CEP290: variants seen among roughly 807,000 people sequenced by gnomAD.
CEP290 encodes centrosomal protein of 290 kDa.
Under a neutral mutation model 344.9 loss-of-function variants are expected in CEP290, and 317 were observed. That is an observed-to-expected ratio of 0.92 (90% CI 0.84 to 1.01). CEP290 has a LOEUF of 1.01. Among genes scored for constraint, CEP290 ranks in the 50% least tolerant of loss-of-function variants. The pLI, the probability that CEP290 is intolerant of heterozygous loss-of-function variation, is 0.00. For synonymous variants in CEP290, 932 were observed against 895.8 expected (o/e 1.04, Z -0.72); for missense variants, 2,754 against 2,761.4 (o/e 1.00, Z 0.06).
chr12:88,054,951 AG>A (rs2033880320), intron 50 of CEP290, among the ~76,000 whole-genome samples: 1 of 152,196 alleles, frequency 6.6e-6, no homozygotes, highest in South Asian at 2.1e-4. Context: ...GATTGTTTAA[AG>A]TACTGAAAGA....
rs2037224130 is a variant in CEP290, at chr12:88,093,813, T to G, written c.3266A>C (p.Gln1089Pro). Residue 1089 changes from glutamine to proline, a missense_variant, in exon 28 of 54, where the codon CAA (glutamine) becomes CCA (proline). Transcript: ENST00000552810. ...MYEHLRTSLK[Q>P]MEERNFELET... ...CAATTCAAAATTACGTTCCTCCATT[T>G]GCTTTAACGAAGTCCGTAAGTGTTC... is the stretch of plus-strand genomic sequence containing the variant. 6.2e-7 allele frequency: 1 copy of G among 1,612,260 alleles called. No individual in the cohort carries two copies. The highest frequency in any genetic ancestry group is 1.1e-5 in the South Asian group (1 of 90,888).
intron 31 of CEP290, 71 bp downstream of exon 31, chr12:88,088,961 A>G (rs1380324819): frequency 2.7e-6 from 3 of 1,124,128 alleles, no homozygotes; most frequent in South Asian, 3.8e-5. Flanking sequence ...TGTTTGCACC[A>G]CTGAACTCCA....
At chr12:88,097,847 C>T (rs1168952550) in intron 26 of CEP290, among the ~76,000 whole-genome samples, 1 of 151,968 alleles carries the variant, frequency 6.6e-6, no homozygotes, top group East Asian at 1.9e-4. Context: ...CCTAGTGTGC[C>T]ATCAGTGACA....
chr12:88,094,828 C>A (rs1653445364), intron 27 of CEP290, among the ~76,000 whole-genome samples: 1 of 152,026 alleles, frequency 6.6e-6, no homozygotes, highest in South Asian at 2.1e-4. Context: ...TTGTAAACAG[C>A]CTTTTACAAT....
chr12:88,049,410 T>G lies in CEP290; in HGVS notation c.7214A>C (p.Glu2405Ala), dbSNP rs1592705095. The change falls in exon 54 of 54, where the codon GAA (glutamate) becomes GCA (alanine). Residue 2405 changes from glutamate to alanine, a missense_variant. Physicochemically the swap from Glu to Ala is moderately radical, Grantham distance 107. Coordinates refer to ENST00000552810, the MANE Select transcript of CEP290 (RefSeq NM_025114.4). Reference protein sequence around the residue: ...SDLEKQHLKEEIKKLKKELEN... With the variant: ...SDLEKQHLKEAIKKLKKELEN... The stretch of plus-strand genomic sequence containing the variant: ...CAGTTCTTTTTTCAGCTTCTTTATT[T>G]CCTCCTAATGGAAACATTATCTTTA... The G allele has an allele frequency of 3.6e-6, 5 of 1,399,494 alleles. No individual in the cohort carries two copies. Among genetic ancestry groups the G allele is most frequent in the Non-Finnish European group, 4.9e-6 (5 of 1,012,686 alleles). The allele number at this position is 1,399,494 out of a possible 1,614,324, so 86.7% of individuals were successfully genotyped here.
chr12:88,128,362 T>C (rs775978894), intron 11 of CEP290, among the ~76,000 whole-genome samples: 36 of 152,170 alleles, frequency 2.4e-4, no homozygotes, highest in Non-Finnish European at 3.2e-4. Flanking sequence ...GAAGTGATAG[T>C]TTTTAAAATT....
intron 52 of CEP290, among the ~76,000 whole-genome samples, 194 bp from the exon 53 acceptor site, chr12:88,050,627 T>C (rs2033410545): frequency 6.6e-6 from 1 of 152,188 alleles, no homozygotes; most frequent in African/African-American, 2.4e-5. Flanking sequence ...TATAATTTCA[T>C]AGCAGGCAGA....
At chr12:88,097,148 G>A in intron 26 of CEP290, 149 bp from the exon 27 acceptor site, 1 of 576,130 alleles carries the variant, frequency 1.7e-6, no homozygotes, top group Non-Finnish European at 3.0e-6. Flanking sequence ...TATAATACAT[G>A]TATGCATACA....
chr12:88,141,481 A>G, intron 1 of CEP290, 147 bp from the exon 2 acceptor site: 1 of 455,430 alleles, frequency 2.2e-6, no homozygotes. Context: ...ACAAGTGGGC[A>G]AAATAGCCTT....
Position 88,136,658 on chromosome 12 carries a change from C to G in CEP290, c.426G>C (p.Lys142Asn). 1 of 1,613,602 alleles carries G rather than the reference C, an allele frequency of 6.2e-7. No homozygotes were observed. The highest frequency in any genetic ancestry group is 8.5e-7 in the Non-Finnish European group (1 of 1,179,686). Residue 142 changes from lysine to asparagine, a missense_variant, in exon 6 of 54, where the codon AAG becomes AAC. Lys to Asn is a moderately conservative substitution (Grantham distance 94, BLOSUM62 0). Coordinates refer to ENST00000552810, the MANE Select transcript of CEP290 (RefSeq NM_025114.4). The part of the protein sequence containing the change: ...EDMEKELEKE[K>N]KVNEQLALRN... Reference sequence around the variant, plus strand: ...AGTGCTTTACTTGCTCATTAACTTTCTTCTCTTTCTCCAACTCCTTTTCCA... The same window carrying G: ...AGTGCTTTACTTGCTCATTAACTTTGTTCTCTTTCTCCAACTCCTTTTCCA...
chr12:88,141,580 T>C (rs2040673763), intron 1 of CEP290, among the ~76,000 whole-genome samples: 1 of 152,154 alleles, frequency 6.6e-6, no homozygotes, highest in South Asian at 2.1e-4. Context: ...TCTAAGTTAA[T>C]ACTTAAGATT....
chr12:88,066,739 T>G (rs1439625790), intron 44 of CEP290, among the ~76,000 whole-genome samples: 1 of 152,112 alleles, frequency 6.6e-6, no homozygotes, highest in Non-Finnish European at 1.5e-5. Flanking sequence ...TGGGCTCAAA[T>G]GATCCTCCCA....
intron 22 of CEP290, among the ~76,000 whole-genome samples, chr12:88,110,873 G>A (rs1026441676): frequency 4.6e-5 from 7 of 152,084 alleles, no homozygotes; most frequent in Non-Finnish European, 7.4e-5. Context: ...TTCTGCTTGT[G>A]AACCATATAT....
In CEP290 at chr12:88,086,059, T is replaced by G. The variant is rs2036550928; in HGVS notation, c.4417A>C (p.Thr1473Pro). 1 of 1,611,304 alleles carries G rather than the reference T, an allele frequency of 6.2e-7. No homozygotes were observed. Among genetic ancestry groups the G allele is most frequent in the South Asian group, 1.1e-5 (1 of 90,372 alleles). Residue 1473 changes from threonine to proline, a missense_variant, in exon 34 of 54, where the codon ACT (threonine) becomes CCT (proline). Transcript: ENST00000552810. The part of the protein sequence containing the change: ...NIRIILETRA[T>P]CKSLEEKLKE... Reference sequence around the variant, plus strand: ...ATTACCTCTTCTAGTGATTTGCAAGTTGCCCGTGTTTCTAGAATTATTCGA... The same window carrying G: ...ATTACCTCTTCTAGTGATTTGCAAGGTGCCCGTGTTTCTAGAATTATTCGA...
chr12:88,073,981 T>A (rs1055114803), intron 41 of CEP290, among the ~76,000 whole-genome samples: 1 of 152,148 alleles, frequency 6.6e-6, no homozygotes, highest in African/African-American at 2.4e-5. Flanking sequence ...ATCCAGCACT[T>A]TGGGGGGCCA....
chr12:88,089,230 A>G lies in CEP290; in HGVS notation c.3831T>C (p.Ala1277=). Residue 1277 remains alanine (A), a synonymous_variant, in exon 31 of 54, where the codon GCT becomes GCC. Transcript: ENST00000552810. ...IQSLRRQFSG[A]LPLAQQEKFS... ...ACTTTTCCTGTTGTGCCAAGGGTAA[A>G]GCTCCACTAAACTGTCGTCGTAGAG... 3 of 1,613,796 alleles carry G rather than the reference A, an allele frequency of 1.9e-6. No homozygotes were observed. Among genetic ancestry groups the G allele is most frequent in the Non-Finnish European group, 2.5e-6 (3 of 1,179,786 alleles).
intron 13 of CEP290, among the ~76,000 whole-genome samples, chr12:88,124,281 G>A (rs1267545417): frequency 6.6e-6 from 1 of 152,020 alleles, no homozygotes; most frequent in Non-Finnish European, 1.5e-5. Context: ...CTCTACTCCA[G>A]CCAAAAAGAC....
In CEP290 at chr12:88,118,628, G is replaced by T; in HGVS notation, c.1623+15C>A. The stretch of plus-strand genomic sequence containing the variant: ...AGTTCAGCCAAGAAAATAATCAACT[G>T]ACTACCACACTTGCCTCTTTCAAAA... On this transcript the variant is annotated intron_variant, in intron 16 of 53. Coordinates refer to ENST00000552810, the MANE Select transcript of CEP290 (RefSeq NM_025114.4). 1 of 1,610,606 alleles carries T rather than the reference G, an allele frequency of 6.2e-7. No individual in the cohort carries two copies. The highest frequency in any genetic ancestry group is 8.5e-7 in the Non-Finnish European group (1 of 1,177,336).
At chr12:88,090,619 G>A (rs1322222053) in intron 30 of CEP290, 109 bp downstream of exon 30, 2 of 707,818 alleles carry the variant, frequency 2.8e-6, no homozygotes, top group Non-Finnish European at 4.8e-6. Context: ...AACAGAATGA[G>A]ACCCTATCTC....
Sources: allele counts gnomAD v4.1 joint callset (sites outside exome capture counted in the v4.1 genomes callset), GRCh38; gene constraint gnomAD v4.1.1; transcripts MANE v1.5; gene names NCBI Gene and HGNC (gene_info 2026-07-23, HGNC 2026-07-21).